Variants in ESR1 observed in about 807,000 individuals in gnomAD.
ESR1 encodes the protein estrogen receptor.
In ESR1, 12 loss-of-function variants were observed where a neutral mutation model predicts 52.7. The observed-to-expected ratio is 0.23, with a 90% CI of 0.15 to 0.37. The LOEUF is 0.37. ESR1 is among the 10% of genes least tolerant of loss of function. The pLI, the probability that ESR1 is intolerant of heterozygous loss-of-function variation, is 1.00. For synonymous variants in ESR1, 305 were observed against 316.8 expected (o/e 0.96, Z 0.39); for missense variants, 584 against 779.7 (o/e 0.75, Z 2.99).
intron 6 of ESR1, among the ~76,000 whole-genome samples, chr6:152,114,976 A>G (rs2051193170): frequency 6.6e-6 from 1 of 150,558 alleles, no homozygotes; most frequent in Non-Finnish European, 1.5e-5. Flanking sequence ...TTTTAAAATT[A>G]TCATTATTCT....
At chr6:151,704,098 T>G (rs893343964) in intron 2 of ESR1, among the ~76,000 whole-genome samples, 3 of 152,214 alleles carry the variant, frequency 2.0e-5, no homozygotes, top group African/African-American at 7.2e-5. Context: ...AGTAGAAAGA[T>G]TCTAAGGGCT....
At chr6:151,730,110 C>T (rs1782130465) in intron 2 of ESR1, among the ~76,000 whole-genome samples, 1 of 152,054 alleles carries the variant, frequency 6.6e-6, no homozygotes, top group African/African-American at 2.4e-5. Context: ...TCCTGTTATG[C>T]ACATCAATCC....
chr6:152,101,368 T>A lies in ESR1; in HGVS notation c.*2402T>A, dbSNP rs1043560214. The A allele has an allele frequency of 2.6e-5, 6 of 232,476 alleles. No homozygotes were observed. The South Asian group carries it at 1.1e-3, about 42-fold the overall frequency. The allele number at this position is 232,476 out of a possible 1,614,324, so 14.4% of individuals were successfully genotyped here. On this transcript the variant is annotated 3_prime_UTR_variant, in exon 8 of 8. Coordinates refer to ENST00000206249, the MANE Select transcript of ESR1 (RefSeq NM_000125.4). ...ATACTTAGATTTTCTTTTAAAAAAA[T>A]TAAAATAAAACAAAAAAAAATTTCT...
At chr6:151,912,432 A>G (rs570571142) in intron 3 of ESR1, among the ~76,000 whole-genome samples, 2 of 152,300 alleles carry the variant, frequency 1.3e-5, no homozygotes, top group South Asian at 4.1e-4. Flanking sequence ...GGGACCATTT[A>G]AAAACAATTT....
rs71017521 is a variant in ESR1, at chr6:152,100,772, CAAA to C, written c.*1819_*1821del. The C allele has an allele frequency of 1.8e-3, 342 of 191,992 alleles. No homozygotes were observed. Among genetic ancestry groups the C allele is most frequent in the East Asian group, 2.2e-3 (30 of 13,432 alleles). The allele number at this position is 191,992 out of a possible 1,614,324, so 11.9% of individuals were successfully genotyped here. ...CCAAAGGACTGAGAATCTGGGAGGG[CAAA>C]AAAAAAAAAAAAGTTTTTATGTGCA... On this transcript the variant is annotated 3_prime_UTR_variant, in exon 8 of 8. Transcript: ENST00000206249.
chr6:151,666,906 T>C (rs1241236998), intron 1 of ESR1, among the ~76,000 whole-genome samples: 2 of 151,704 alleles, frequency 1.3e-5, no homozygotes, highest in Non-Finnish European at 2.9e-5. Flanking sequence ...ATGGAGGTCA[T>C]AAGGCAAGCA....
intron 2 of ESR1, among the ~76,000 whole-genome samples, chr6:151,855,064 C>T (rs1787564774): frequency 6.6e-6 from 1 of 152,156 alleles, no homozygotes; most frequent in Non-Finnish European, 1.5e-5. Flanking sequence ...CAGGCATGGG[C>T]CACCACACCC....
intron 5 of ESR1, among the ~76,000 whole-genome samples, chr6:152,035,848 T>A (rs1359735221): frequency 1.3e-5 from 2 of 152,132 alleles, no homozygotes; most frequent in African/African-American, 4.8e-5. Context: ...CCTGACACAA[T>A]TGATATCTAC....
At chr6:151,658,951 A>G (rs993586835) in intron 1 of ESR1, among the ~76,000 whole-genome samples, 2 of 152,224 alleles carry the variant, frequency 1.3e-5, no homozygotes, top group Non-Finnish European at 2.9e-5. Context: ...GAAGATGGCC[A>G]GTCTAAGGCT....
At chr6:152,025,792 T>C (rs903897316) in intron 5 of ESR1, among the ~76,000 whole-genome samples, 8 of 152,024 alleles carry the variant, frequency 5.3e-5, no homozygotes, top group Admixed American at 4.6e-4. Flanking sequence ...TTTTAGTTCA[T>C]TTTCTAGCTT....
At chr6:151,818,195 A>G (rs1779976503) in intron 1 of ESR1, among the ~76,000 whole-genome samples, 1 of 152,192 alleles carries the variant, frequency 6.6e-6, no homozygotes. Context: ...TCTGGTCCTC[A>G]GTCCTCAAGC....
chr6:151,840,369 A>G (rs1286774609), intron 1 of ESR1, among the ~76,000 whole-genome samples: 2 of 152,224 alleles, frequency 1.3e-5, no homozygotes, highest in Non-Finnish European at 2.9e-5. Context: ...AATATGAACT[A>G]GAATTGAAAA....
chr6:151,721,803 G>A (rs1781481266), intron 2 of ESR1, among the ~76,000 whole-genome samples: 1 of 152,150 alleles, frequency 6.6e-6, no homozygotes, highest in South Asian at 2.1e-4. Flanking sequence ...TGGCATAGCT[G>A]TTCAACAAGA....
chr6:152,035,882 C>G (rs903497111), intron 5 of ESR1, among the ~76,000 whole-genome samples: 2 of 152,106 alleles, frequency 1.3e-5, no homozygotes, highest in African/African-American at 4.8e-5. Context: ...CTTAATCCTT[C>G]TTTACTCTAT....
At chr6:151,836,111 A>G (rs993471435) in intron 1 of ESR1, among the ~76,000 whole-genome samples, 2 of 152,160 alleles carry the variant, frequency 1.3e-5, no homozygotes, top group Non-Finnish European at 2.9e-5. Flanking sequence ...ACACAAATGG[A>G]AAAACAAGGA....
chr6:151,880,600 C>A, intron 2 of ESR1, 55 bp from the exon 3 acceptor site: 1 of 1,085,122 alleles, frequency 9.2e-7, no homozygotes, highest in Non-Finnish European at 1.4e-6. Flanking sequence ...CCTGTAGATT[C>A]TGACTGGCTA....
At chr6:151,927,729 T>G (rs893894657) in intron 3 of ESR1, among the ~76,000 whole-genome samples, 1 of 149,538 alleles carries the variant, frequency 6.7e-6, no homozygotes, top group Admixed American at 6.6e-5. Flanking sequence ...CTGTCTCTCT[T>G]TTTTTTTTGC....
chr6:151,805,399 A>C (rs1777687574), upstream of ESR1: 1 of 152,266 alleles, frequency 6.6e-6, no homozygotes, highest in Non-Finnish European at 1.5e-5. Context: ...ATTCACAGCA[A>C]GCCTGTTTTT....
chr6:151,947,151 C>A (rs995652605), intron 4 of ESR1, among the ~76,000 whole-genome samples: 1 of 152,118 alleles, frequency 6.6e-6, no homozygotes, highest in African/African-American at 2.4e-5. Context: ...AACCCTGTCT[C>A]TACAAAACAG....
Sources: allele counts gnomAD v4.1 joint callset (sites outside exome capture counted in the v4.1 genomes callset), GRCh38; gene constraint gnomAD v4.1.1; transcripts MANE v1.5; gene names NCBI Gene and HGNC (gene_info 2026-07-23, HGNC 2026-07-21).